Variants in ABCG2 observed in about 807,000 individuals in gnomAD.
ABCG2 encodes broad substrate specificity ATP-binding cassette transporter ABCG2.
A neutral mutation model predicts 73.5 loss-of-function variants in ABCG2; 80 were observed. The observed-to-expected ratio is 1.09, with a 90% CI of 0.91 to 1.31. The LOEUF (loss-of-function observed/expected upper bound fraction) is 1.31, where lower values mean the gene tolerates loss of function less well. ABCG2 is among the 50% of genes most tolerant of loss of function. The pLI, the probability that ABCG2 is intolerant of heterozygous loss-of-function variation, is 0.00. For synonymous variants in ABCG2, 269 were observed against 282.4 expected (o/e 0.95, Z 0.48); for missense variants, 796 against 786.2 (o/e 1.01, Z -0.15).
At position 88,092,390 on chromosome 4, in the gene ABCG2, A is replaced by G. The variant is rs762731751; in HGVS notation, c.1821-9T>C. 58 of 1,605,848 alleles carry G rather than the reference A, an allele frequency of 3.6e-5. No homozygotes were observed. Among genetic ancestry groups the G allele is most frequent in the Non-Finnish European group, 4.8e-5 (57 of 1,178,072 alleles). ...ATTCTTCGCCAGTACATCTGAAATTAAACAGAAAAAGAATATAACTTCATT... is the reference window on the plus strand; with the variant it reads ...ATTCTTCGCCAGTACATCTGAAATTGAACAGAAAAAGAATATAACTTCATT... On this transcript the variant is annotated splice_polypyrimidine_tract_variant and intron_variant, in intron 15 of 15. Transcript: ENST00000237612.
chr4:88,179,888 C>A (rs1728163923), intron 1 of ABCG2, among the ~76,000 whole-genome samples: 1 of 152,058 alleles, frequency 6.6e-6, no homozygotes, highest in Non-Finnish European at 1.5e-5. Flanking sequence ...AGGCAGAGAA[C>A]ACATGCACAC....
intron 2 of ABCG2, among the ~76,000 whole-genome samples, chr4:88,139,581 G>C (rs1484186569): frequency 6.6e-6 from 1 of 152,136 alleles, no homozygotes; most frequent in East Asian, 1.9e-4. Context: ...AAAAAAGTCT[G>C]GCAGTTACTT....
At chr4:88,172,921 A>AATAGC (rs1727814433) in intron 1 of ABCG2, among the ~76,000 whole-genome samples, 1 of 152,132 alleles carries the variant, frequency 6.6e-6, no homozygotes, top group African/African-American at 2.4e-5. Context: ...TTAGGTCATA[A>AATAGC]ATAGCATTGT....
At position 88,121,690 on chromosome 4, in the gene ABCG2, G is replaced by A; in HGVS notation, c.634C>T (p.Pro212Ser). ...GTGCTTGAGTCTAAGCCAGTTGTAG[G>A]CTCATCCAAGAACAAGATGGAAGGA... ...TDPSILFLDE[P>S]TTGLDSSTAN... Residue 212 changes from proline to serine, a missense_variant, in exon 6 of 16, where the codon CCT (proline) becomes TCT (serine). Pro to Ser is a moderately conservative substitution (Grantham distance 74, BLOSUM62 -1). Coordinates refer to ENST00000237612, the MANE Select transcript of ABCG2 (RefSeq NM_004827.3). 6.2e-7 allele frequency: 1 copy of A among 1,614,080 alleles called. No individual in the cohort carries two copies. Among genetic ancestry groups the A allele is most frequent in the South Asian group, 1.1e-5 (1 of 91,074 alleles).
Position 88,127,582 on chromosome 4 carries a change from C to A in ABCG2, c.531+3479G>T, listed in dbSNP as rs138606607. 3.4e-3 allele frequency among the ~76,000 whole-genome samples: 524 copies of A among 152,124 alleles called. 4 individuals are homozygous for A. The highest frequency in any genetic ancestry group is 0.011 in the African/African-American group (469 of 41,482). On this transcript the variant is annotated intron_variant, in intron 5 of 15. Coordinates refer to ENST00000237612, the MANE Select transcript of ABCG2 (RefSeq NM_004827.3). ...ACTGGTACCAAAACAGATATATAGACCAATGGAACAGAACAGAGGCCTCAG... is the reference window on the plus strand; with the variant it reads ...ACTGGTACCAAAACAGATATATAGAACAATGGAACAGAACAGAGGCCTCAG...
chr4:88,140,036 T>C, intron 1 of ABCG2, 22 bp from the exon 2 acceptor site: 2 of 1,588,258 alleles, frequency 1.3e-6, no homozygotes, highest in Non-Finnish European at 8.6e-7. Flanking sequence ...AAAGCAATAG[T>C]AAGTTGATAG....
In ABCG2 at chr4:88,110,826, T is replaced by A. The variant is rs200184409; in HGVS notation, c.1194+2477A>T. ...CCTGATCCTTTACAAAAAAAAAAAATATATATTGCCTACTCCTGCCCTAAG... is the reference window on the plus strand; with the variant it reads ...CCTGATCCTTTACAAAAAAAAAAAAAATATATTGCCTACTCCTGCCCTAAG... On this transcript the variant is annotated intron_variant, in intron 9 of 15. Transcript: ENST00000237612. Among the ~76,000 whole-genome samples, 190 of 80,130 alleles carry A rather than the reference T, an allele frequency of 2.4e-3. 3 individuals are homozygous for A. Among genetic ancestry groups the A allele is most frequent in the South Asian group, 0.022 (59 of 2,640 alleles). The allele number at this position is 80,130 out of a possible 152,430, so 52.6% of individuals were successfully genotyped here.
At chr4:88,191,987 G>C (rs753827448) in intron 1 of ABCG2, among the ~76,000 whole-genome samples, 71 of 151,750 alleles carry the variant, frequency 4.7e-4, no homozygotes, top group Non-Finnish European at 9.7e-4. Flanking sequence ...CCTGGGCAAC[G>C]TGGCAAAATC....
chr4:88,161,337 A>C (rs1312133972), upstream of ABCG2, among the ~76,000 whole-genome samples: 1 of 85,848 alleles, frequency 1.2e-5, no homozygotes, highest in African/African-American at 4.6e-5. Flanking sequence ...CGACCCCACC[A>C]CAGTCCCCAG....
intron 1 of ABCG2, among the ~76,000 whole-genome samples, chr4:88,178,079 G>GAC (rs1728082551): frequency 6.6e-6 from 1 of 152,180 alleles, no homozygotes; most frequent in African/African-American, 2.4e-5. Flanking sequence ...GACCTAGTGA[G>GAC]ACACCAGCTG....
chr4:88,097,532 A>T lies in ABCG2; in HGVS notation c.1568T>A (p.Met523Lys). The T allele has an allele frequency of 6.2e-7, 1 of 1,614,234 alleles. No homozygotes were observed. Among genetic ancestry groups the T allele is most frequent in the Non-Finnish European group, 8.5e-7 (1 of 1,180,030 alleles). The change falls in exon 13 of 16, where the codon ATG becomes AAG. Residue 523 changes from methionine (M) to lysine (K), a missense_variant. Transcript: ENST00000237612. ...LMMVAYSASS[M>K]ALAIAAGQSV... Reference sequence around the variant, plus strand: ...CTGACCTGCTGCTATGGCCAGTGCCATGGAACTGGCTGAATAAGCCACCAT... The same window carrying T: ...CTGACCTGCTGCTATGGCCAGTGCCTTGGAACTGGCTGAATAAGCCACCAT...
At chr4:88,136,129 C>T (rs1292485900) in intron 2 of ABCG2, among the ~76,000 whole-genome samples, 12 of 152,104 alleles carry the variant, frequency 7.9e-5, no homozygotes, top group Admixed American at 3.9e-4. Flanking sequence ...CAGGGTGCTG[C>T]GGGAATGGTC....
At chr4:88,145,758 GGTGAAACCCC>G (rs762728515) in intron 1 of ABCG2, among the ~76,000 whole-genome samples, 1 of 152,098 alleles carries the variant, frequency 6.6e-6, no homozygotes, top group Non-Finnish European at 1.5e-5. Context: ...TGGCCAACAT[GGTGAAACCCC>G]GTCTCTACTA....
At chr4:88,149,348 G>A (rs1041322960) in intron 1 of ABCG2, among the ~76,000 whole-genome samples, 7 of 152,158 alleles carry the variant, frequency 4.6e-5, no homozygotes, top group African/African-American at 7.2e-5. Context: ...ATTTACATGC[G>A]TGTTACATCC....
At chr4:88,165,768 G>A (rs1447415896) in intron 1 of ABCG2, among the ~76,000 whole-genome samples, 3 of 152,108 alleles carry the variant, frequency 2.0e-5, no homozygotes, top group Non-Finnish European at 4.4e-5. Context: ...CAGCTACTCG[G>A]GAGGCTGAGG....
intron 1 of ABCG2, among the ~76,000 whole-genome samples, chr4:88,174,552 G>C (rs1727879990): frequency 6.6e-6 from 1 of 152,024 alleles, no homozygotes; most frequent in Admixed American, 6.6e-5. Flanking sequence ...CCACGCCCAG[G>C]TAATTTTGTA....
At chr4:88,201,761 G>C (rs1242316864) in intron 1 of ABCG2, 1 of 152,080 alleles carries the variant, frequency 6.6e-6, no homozygotes, top group Non-Finnish European at 1.5e-5. Flanking sequence ...GATTAGCACG[G>C]CGCCCTACAC....
At chr4:88,139,769 CT>C (rs745736562) in intron 2 of ABCG2, 23 bp downstream of exon 2, 1 of 1,600,234 alleles carries the variant, frequency 6.2e-7, no homozygotes, top group Non-Finnish European at 8.5e-7. Flanking sequence ...AAAAAGCTGT[CT>C]TTTTACAAGT....
At chr4:88,117,852 G>A (rs1387127513) in intron 7 of ABCG2, among the ~76,000 whole-genome samples, 2 of 152,142 alleles carry the variant, frequency 1.3e-5, no homozygotes, top group African/African-American at 2.4e-5. Context: ...ACTGTAACTA[G>A]GAAGCAGAAT....
Sources: gnomAD v4.1 joint callset for allele counts (sites outside exome capture counted in the v4.1 genomes callset) on GRCh38, gnomAD v4.1.1 for gene constraint, MANE v1.5 for transcripts, NCBI Gene and HGNC (gene_info 2026-07-23, HGNC 2026-07-21) for gene names.